SLC9A9: variants seen among roughly 807,000 people sequenced by gnomAD.
SLC9A9 encodes sodium/hydrogen exchanger 9.
In SLC9A9, 62 loss-of-function variants were observed where a neutral mutation model predicts 77.8. The observed-to-expected ratio is 0.80, with a 90% confidence interval of 0.65 to 0.98. The LOEUF (loss-of-function observed/expected upper bound fraction) is 0.98. Ranked by LOEUF, SLC9A9 falls within the 50% of genes least tolerant of loss-of-function variation. The pLI is 0.00. For missense variants in SLC9A9, 775 were observed against 774.9 expected (o/e 1.00, Z 0.00); for synonymous variants, 320 against 283.5 (o/e 1.13, Z -1.29).
In SLC9A9 at chr3:143,724,847, G is replaced by C. The variant is rs74659504; in HGVS notation, c.534-31540C>G. 8.6e-3 allele frequency among the ~76,000 whole-genome samples: 1,307 copies of C among 152,184 alleles called. 18 individuals are homozygous for C. The highest frequency in any genetic ancestry group is 0.03 in the African/African-American group (1,228 of 41,474). On this transcript the variant is annotated intron_variant, in intron 4 of 15. Coordinates refer to ENST00000316549, the MANE Select transcript of SLC9A9 (RefSeq NM_173653.4). ...AATGACATTCCTAGGGACTAGAGCA[G>C]TCACCCCTCACATATAACATCAAAG...
chr3:143,554,908 C>T (rs558060483), intron 8 of SLC9A9, among the ~76,000 whole-genome samples: 1 of 152,322 alleles, frequency 6.6e-6, no homozygotes, highest in South Asian at 2.1e-4. Flanking sequence ...TCCATCCACT[C>T]TGTACAAATT....
chr3:143,458,575 T>C (rs920250568), intron 12 of SLC9A9, among the ~76,000 whole-genome samples: 3 of 152,120 alleles, frequency 2.0e-5, no homozygotes, highest in Admixed American at 6.5e-5. Flanking sequence ...TATTGAACTT[T>C]TGACTATATC....
At chr3:143,692,138 C>T (rs188182294) in intron 5 of SLC9A9, among the ~76,000 whole-genome samples, 6 of 152,032 alleles carry the variant, frequency 3.9e-5, no homozygotes, top group African/African-American at 1.2e-4. Context: ...ATATTCGATT[C>T]AACCACAAGA....
intron 12 of SLC9A9, among the ~76,000 whole-genome samples, chr3:143,397,460 G>C (rs1261918780): frequency 6.6e-6 from 1 of 152,218 alleles, no homozygotes; most frequent in Non-Finnish European, 1.5e-5. Flanking sequence ...ATGTTGGTAT[G>C]AAACCATAAA....
intron 5 of SLC9A9, among the ~76,000 whole-genome samples, chr3:143,691,375 A>G (rs994726739): frequency 6.6e-6 from 1 of 152,050 alleles, no homozygotes; most frequent in Non-Finnish European, 1.5e-5. Context: ...CAGCTGAGAA[A>G]GATTCTTATA....
intron 10 of SLC9A9, among the ~76,000 whole-genome samples, chr3:143,494,149 G>A (rs1335381405): frequency 1.3e-5 from 2 of 152,154 alleles, no homozygotes; most frequent in African/African-American, 2.4e-5. Flanking sequence ...AAGGATAAAT[G>A]TGCTTCTGTT....
At chr3:143,673,283 C>G (rs938265658) in intron 5 of SLC9A9, among the ~76,000 whole-genome samples, 3 of 152,064 alleles carry the variant, frequency 2.0e-5, no homozygotes, top group African/African-American at 2.4e-5. Context: ...ACAGGGAAAA[C>G]CCCACCCATA....
intron 14 of SLC9A9, among the ~76,000 whole-genome samples, chr3:143,275,177 T>C (rs1938009308): frequency 2.0e-5 from 3 of 152,232 alleles, no homozygotes; most frequent in Admixed American, 2.0e-4. Flanking sequence ...GGCTTATACT[T>C]TGAGCACATT....
chr3:143,725,030 C>G (rs1049467997), intron 4 of SLC9A9, among the ~76,000 whole-genome samples: 3 of 152,174 alleles, frequency 2.0e-5, no homozygotes, highest in Non-Finnish European at 4.4e-5. Flanking sequence ...CCCCAGCCCC[C>G]CCACTGCCTG....
intron 14 of SLC9A9, among the ~76,000 whole-genome samples, chr3:143,348,615 C>G (rs1273910015): frequency 6.6e-6 from 1 of 152,028 alleles, no homozygotes; most frequent in Non-Finnish European, 1.5e-5. Context: ...AAGAAAGTAT[C>G]TTTTGTTTGG....
chr3:143,815,368 C>T (rs1025291068), intron 2 of SLC9A9, among the ~76,000 whole-genome samples: 3 of 152,086 alleles, frequency 2.0e-5, no homozygotes, highest in Non-Finnish European at 2.9e-5. Context: ...GACAGTTAGG[C>T]CATCAAAGGG....
At chr3:143,725,151 AG>A (rs1934606560) in intron 4 of SLC9A9, among the ~76,000 whole-genome samples, 1 of 152,102 alleles carries the variant, frequency 6.6e-6, no homozygotes, top group African/African-American at 2.4e-5. Context: ...AAGACAGGAG[AG>A]GCATCTTTTT....
chr3:143,370,463 T>C (rs562367194), intron 13 of SLC9A9, among the ~76,000 whole-genome samples: 21 of 152,224 alleles, frequency 1.4e-4, no homozygotes, highest in Admixed American at 5.2e-4. Context: ...AGCATCTCAC[T>C]GTACCTGCTT....
chr3:143,662,032 G>A (rs995860491), intron 5 of SLC9A9, among the ~76,000 whole-genome samples: 1 of 152,062 alleles, frequency 6.6e-6, no homozygotes, highest in Non-Finnish European at 1.5e-5. Context: ...CAAACTTTAT[G>A]TTTATATTTT....
chr3:143,516,933 C>T (rs780285161), intron 9 of SLC9A9, among the ~76,000 whole-genome samples: 1 of 152,116 alleles, frequency 6.6e-6, no homozygotes, highest in Non-Finnish European at 1.5e-5. Flanking sequence ...ATCTGAGCAA[C>T]TTGAAATTTT....
chr3:143,706,474 A>T (rs528632103), intron 4 of SLC9A9, among the ~76,000 whole-genome samples: 1 of 83,988 alleles, frequency 1.2e-5, no homozygotes, highest in East Asian at 2.4e-4. Context: ...TTTCTGTTTA[A>T]TTAGAAAGGT....
intron 6 of SLC9A9, among the ~76,000 whole-genome samples, chr3:143,624,807 G>GAA (rs1325414552): frequency 1.3e-5 from 2 of 151,718 alleles, no homozygotes; most frequent in African/African-American, 2.4e-5. Context: ...ATTCAATTAG[G>GAA]AAGAGGAAAT....
intron 12 of SLC9A9, among the ~76,000 whole-genome samples, chr3:143,403,260 A>T (rs1254681689): frequency 2.0e-5 from 3 of 152,096 alleles, no homozygotes; most frequent in East Asian, 1.9e-4. Flanking sequence ...TTACTGTCTC[A>T]TGCCACTTCC....
At position 143,848,270 on chromosome 3, in the gene SLC9A9, T is replaced by C. The variant is rs370898586; in HGVS notation, c.53A>G (p.His18Arg). The C allele has an allele frequency of 9.3e-6, 15 of 1,613,948 alleles. No individual in the cohort carries two copies. Among genetic ancestry groups the C allele is most frequent in the Non-Finnish European group, 1.3e-5 (15 of 1,179,960 alleles). Reference protein sequence around the residue: ...MSEKDEYQFQHQGAVELLVFN... With the variant: ...MSEKDEYQFQRQGAVELLVFN... ...GACAAGCAGCTCCACCGCTCCCTGA[T>C]GTTGAAACTGATACTCATCCTTTTC... The change falls in exon 1 of 16, where the codon CAT becomes CGT. Residue 18 changes from histidine to arginine, a missense_variant. Coordinates refer to ENST00000316549, the MANE Select transcript of SLC9A9 (RefSeq NM_173653.4).
Sources: allele counts gnomAD v4.1 joint callset (sites outside exome capture counted in the v4.1 genomes callset), GRCh38; gene constraint gnomAD v4.1.1; transcripts MANE v1.5; gene names NCBI Gene and HGNC (gene_info 2026-07-23, HGNC 2026-07-21).